PDSS2: variants seen among roughly 807,000 people sequenced by gnomAD.
PDSS2 encodes decaprenyl diphosphate synthase subunit 2, also known as all trans-polyprenyl-diphosphate synthase PDSS2.
In PDSS2, 31 loss-of-function variants were observed where a neutral mutation model predicts 44.5. That is an observed-to-expected ratio of 0.70 (90% confidence interval 0.52 to 0.94). PDSS2 has a LOEUF of 0.94. Ranked by LOEUF, PDSS2 falls within the 40% of genes least tolerant of loss-of-function variation. The pLI is 0.00. For missense variants in PDSS2, 452 were observed against 482.2 expected, an observed-to-expected ratio of 0.94 and a Z score of 0.59; for synonymous variants, 157 against 180.3, an observed-to-expected ratio of 0.87 and a Z score of 1.03.
intron 2 of PDSS2, among the ~76,000 whole-genome samples, chr6:107,284,489 C>G (rs1057154404): frequency 2.6e-5 from 4 of 151,840 alleles, no homozygotes; most frequent in Non-Finnish European, 5.9e-5. Context: ...GGTGAAACCC[C>G]GTCTCTACTA....
chr6:107,209,548 A>C (rs1282162148), intron 6 of PDSS2, among the ~76,000 whole-genome samples: 1 of 148,818 alleles, frequency 6.7e-6, no homozygotes, highest in African/African-American at 2.5e-5. Flanking sequence ...GCAGATACTC[A>C]CTTAGGCTCT....
In PDSS2 at chr6:107,341,683, C is replaced by T. The variant is rs534523179; in HGVS notation, c.297-7351G>A. On this transcript the variant is annotated intron_variant, in intron 1 of 7. Coordinates refer to ENST00000369037, the MANE Select transcript of PDSS2 (RefSeq NM_020381.4). ...AGACATGGATAATGAAGTATGTATA[C>T]ACACGCACAATGGAGGCAGAGAACT... Among the ~76,000 whole-genome samples the T allele has an allele frequency of 5.3e-5, 8 of 152,274 alleles. No individual in the cohort carries two copies. The East Asian group carries it at 1.5e-3, about 29-fold the overall frequency.
At chr6:107,440,736 T>A (rs1781489583) in intron 1 of PDSS2, among the ~76,000 whole-genome samples, 2 of 152,304 alleles carry the variant, frequency 1.3e-5, no homozygotes, top group South Asian at 2.1e-4. Context: ...TAGAGGGATA[T>A]ATCCGCTACA....
chr6:107,261,386 C>T (rs998883602), intron 3 of PDSS2, among the ~76,000 whole-genome samples: 7 of 152,116 alleles, frequency 4.6e-5, no homozygotes, highest in African/African-American at 1.7e-4. Context: ...ACCTCCTTCC[C>T]GTTGCTCCTG....
At chr6:107,173,588 A>AAAC (rs1220326742) in intron 7 of PDSS2, among the ~76,000 whole-genome samples, 2 of 150,082 alleles carry the variant, frequency 1.3e-5, no homozygotes, top group East Asian at 1.9e-4. Context: ...AAAAAAAAAA[A>AAAC]AAAAAAAAAC....
chr6:107,178,688 T>C (rs774744363), intron 7 of PDSS2, among the ~76,000 whole-genome samples: 18 of 152,288 alleles, frequency 1.2e-4, no homozygotes, highest in Non-Finnish European at 2.1e-4. Context: ...CTTTTTGTAG[T>C]ATGTCTAAAG....
At chr6:107,223,246 T>C (rs1773676992) in intron 4 of PDSS2, among the ~76,000 whole-genome samples, 1 of 150,956 alleles carries the variant, frequency 6.6e-6, no homozygotes, top group Admixed American at 6.6e-5. Flanking sequence ...TTTTAAAAAA[T>C]TGGCCAGGCA....
At chr6:107,256,025 C>CT (rs1775007376) in intron 3 of PDSS2, among the ~76,000 whole-genome samples, 1 of 152,074 alleles carries the variant, frequency 6.6e-6, no homozygotes, top group Non-Finnish European at 1.5e-5. Context: ...GAGTCTCACT[C>CT]TGTCGCCCAG....
chr6:107,250,829 A>G (rs1342380856), intron 3 of PDSS2, among the ~76,000 whole-genome samples: 1 of 152,148 alleles, frequency 6.6e-6, no homozygotes, highest in Non-Finnish European at 1.5e-5. Flanking sequence ...TGAGCAAAGG[A>G]GTGCCTATCC....
intron 1 of PDSS2, among the ~76,000 whole-genome samples, chr6:107,382,893 G>A (rs1042467963): frequency 1.3e-5 from 2 of 152,076 alleles, no homozygotes; most frequent in African/African-American, 2.4e-5. Flanking sequence ...TGACAAAGAC[G>A]CAGAGTTCAA....
chr6:107,459,416 T>G lies in PDSS2; in HGVS notation c.-131A>C, dbSNP rs959796460. 8.3e-6 allele frequency: 6 copies of G among 726,926 alleles called. No homozygotes were observed. In the African/African-American group the frequency reaches 1.1e-4, roughly 13 times the overall value. 45.0% of individuals were successfully genotyped at this position (726,926 alleles called of 1,614,324 possible). A position where few individuals can be genotyped will look rare whatever the true frequency, so the allele number is the denominator to read the frequency against. On this transcript the variant is annotated 5_prime_UTR_variant, in exon 1 of 8. Coordinates refer to ENST00000369037, the MANE Select transcript of PDSS2 (RefSeq NM_020381.4). This position sits in a 1 kb window ranked among gnomAD's most constrained non-coding sequence, Gnocchi z 4.3. ...TCTTGACCCTCAGAGTAAGGTGGCT[T>G]CCTGGAGCAGTGACCAGAAACGAAC... is the stretch of plus-strand genomic sequence containing the variant.
intron 1 of PDSS2, among the ~76,000 whole-genome samples, chr6:107,407,653 A>G (rs972642244): frequency 3.9e-5 from 6 of 152,220 alleles, no homozygotes; most frequent in African/African-American, 9.6e-5. Flanking sequence ...TCCAGAAAAC[A>G]GTCCTGGAGG....
At chr6:107,298,122 G>A (rs1776571218) in intron 2 of PDSS2, among the ~76,000 whole-genome samples, 1 of 152,210 alleles carries the variant, frequency 6.6e-6, no homozygotes, top group African/African-American at 2.4e-5. Flanking sequence ...AACTGGGATA[G>A]TGCATTCAGT....
chr6:107,376,520 A>G (rs1470230759), intron 1 of PDSS2, among the ~76,000 whole-genome samples: 4 of 152,162 alleles, frequency 2.6e-5, no homozygotes, highest in African/African-American at 4.8e-5. Flanking sequence ...TTCTCTTTGA[A>G]GCAATTGTGA....
At position 107,459,541 on chromosome 6, in the gene PDSS2, T is replaced by C. The variant is rs894405989; in HGVS notation, c.-256A>G. 1.9e-6 allele frequency: 1 copy of C among 538,484 alleles called. No homozygotes were observed. The highest frequency in any genetic ancestry group is 1.9e-5 in the African/African-American group (1 of 52,542). 33.4% of individuals were successfully genotyped at this position (538,484 alleles called of 1,614,324 possible). A position where few individuals can be genotyped will look rare whatever the true frequency, so the allele number is the denominator to read the frequency against. The stretch of plus-strand genomic sequence containing the variant: ...GTAGAAACCACAGCCACTGCCTATG[T>C]GGAGGACGCCATATTGGAGGCATGG... On this transcript the variant is annotated 5_prime_UTR_variant, in exon 1 of 8. Coordinates refer to ENST00000369037, the MANE Select transcript of PDSS2 (RefSeq NM_020381.4). The surrounding 1 kb of genome is among the most constrained non-coding windows in gnomAD (Gnocchi z 4.3).
intron 4 of PDSS2, 119 bp downstream of exon 4, chr6:107,245,418 CAAAAAAAAAAA>C (rs35614951): frequency 4.8e-4 from 58 of 120,350 alleles, no homozygotes; most frequent in African/African-American, 3.1e-3. Flanking sequence ...AAACACTAAT[CAAAAAAAAAAA>C]AAAAAAAAAA....
intron 7 of PDSS2, among the ~76,000 whole-genome samples, chr6:107,163,561 A>T (rs1771222872): frequency 6.6e-6 from 1 of 152,042 alleles, no homozygotes; most frequent in East Asian, 1.9e-4. Flanking sequence ...TGCAAACTAG[A>T]ATGGGCAATA....
At chr6:107,208,610 T>A (rs1773088563) in intron 6 of PDSS2, among the ~76,000 whole-genome samples, 1 of 121,550 alleles carries the variant, frequency 8.2e-6, no homozygotes, top group Non-Finnish European at 1.7e-5. Context: ...GGCCTGTGAC[T>A]TTTTTTTTTT....
At chr6:107,202,893 G>C (rs1396319456) in intron 6 of PDSS2, among the ~76,000 whole-genome samples, 1 of 151,896 alleles carries the variant, frequency 6.6e-6, no homozygotes, top group African/African-American at 2.4e-5. Flanking sequence ...AGATATACTA[G>C]AGTAAGGCGA....
Sources: allele counts gnomAD v4.1 joint callset (sites outside exome capture counted in the v4.1 genomes callset), GRCh38; gene constraint gnomAD v4.1.1; non-coding constraint Gnocchi (gnomAD v3.1); transcripts MANE v1.5; gene names NCBI Gene and HGNC (gene_info 2026-07-23, HGNC 2026-07-21).